Variants in CATSPERG observed in about 807,000 individuals in gnomAD.
CATSPERG encodes cation channel sperm-associated auxiliary subunit gamma.
In CATSPERG, 115 loss-of-function variants were observed where a neutral mutation model predicts 145.0. The ratio of observed to expected loss-of-function variants is 0.79; its 90% CI spans 0.68 to 0.93. The LOEUF (loss-of-function observed/expected upper bound fraction) is 0.93, where lower values mean the gene tolerates loss of function less well. Ranked by LOEUF, CATSPERG falls within the 40% of genes least tolerant of loss-of-function variation. The pLI is 0.00. For missense variants in CATSPERG, 1,296 were observed against 1,490.1 expected, an observed-to-expected ratio of 0.87 and a Z score of 2.14; for synonymous variants, 588 against 589.0, an observed-to-expected ratio of 1.00 and a Z score of 0.02.
At chr19:38,361,998 G>A in intron 17 of CATSPERG, 137 bp downstream of exon 17, 2 of 803,120 alleles carry the variant, frequency 2.5e-6, no homozygotes, top group Non-Finnish European at 3.9e-6. Context: ...GGGGGACCTG[G>A]GGGCGGGGCC....
intron 8 of CATSPERG, among the ~76,000 whole-genome samples, chr19:38,354,368 T>C (rs770681096): frequency 2.6e-5 from 4 of 152,184 alleles, no homozygotes; most frequent in Non-Finnish European, 5.9e-5. Flanking sequence ...AACTGTAGAC[T>C]TTTATGCCCC....
chr19:38,361,631 C>T lies in CATSPERG; in HGVS notation c.1881-17C>T. On this transcript the variant is annotated splice_polypyrimidine_tract_variant and intron_variant, in intron 16 of 28. Coordinates refer to ENST00000409235, the MANE Select transcript of CATSPERG (RefSeq NM_021185.5). Reference sequence around the variant, plus strand: ...GTGCCTTAGAGCCAGCAGCCTTTCCCCCTTGCCACTGCCCAGGGGCTACTT... The same window carrying T: ...GTGCCTTAGAGCCAGCAGCCTTTCCTCCTTGCCACTGCCCAGGGGCTACTT... 2 of 1,602,284 alleles carry T rather than the reference C, an allele frequency of 1.2e-6. No individual in the cohort carries two copies. Among genetic ancestry groups the T allele is most frequent in the Non-Finnish European group, 1.7e-6 (2 of 1,176,578 alleles).
At chr19:38,341,419 C>G (rs2145063165) in intron 3 of CATSPERG, among the ~76,000 whole-genome samples, 1 of 152,294 alleles carries the variant, frequency 6.6e-6, no homozygotes, top group South Asian at 2.1e-4. Flanking sequence ...ACCTTCTCCT[C>G]TGCAATGGGA....
At chr19:38,353,442 A>G (rs569732990) in intron 8 of CATSPERG, among the ~76,000 whole-genome samples, 12 of 152,216 alleles carry the variant, frequency 7.9e-5, no homozygotes, top group Middle Eastern at 3.4e-3. Context: ...TAATCCCAGC[A>G]CTTTGGGAGG....
Position 38,360,747 on chromosome 19 carries a change from A to C in CATSPERG, c.1784A>C (p.Asn595Thr), listed in dbSNP as rs150667046. 873 of 1,613,962 alleles carry C rather than the reference A, an allele frequency of 5.4e-4. No individual in the cohort carries two copies. The highest frequency in any genetic ancestry group is 6.5e-4 in the Non-Finnish European group (771 of 1,179,978). The change falls in exon 16 of 29, where the codon AAC becomes ACC. Residue 595 changes from asparagine to threonine, a missense_variant. By Grantham distance (65) the Asn-to-Thr change is moderately conservative. Transcript: ENST00000409235. ...SKLYQLVYLM[N>T]NQKGQLVKRL... ...CCCCTGCAGCTGGTGTACCTTATGA[A>C]CAACCAGAAGGGCCAGCTGGTCAAG...
chr19:38,339,584 G>C (rs1969902863), intron 3 of CATSPERG, among the ~76,000 whole-genome samples: 1 of 152,210 alleles, frequency 6.6e-6, no homozygotes, highest in East Asian at 1.9e-4. Flanking sequence ...TCCTGCCTCA[G>C]CCTCCTGAGT....
In CATSPERG at chr19:38,362,179, A is replaced by G. The variant is rs577979174; in HGVS notation, c.2095-31A>G. On this transcript the variant is annotated intron_variant, in intron 17 of 28. Coordinates refer to ENST00000409235, the MANE Select transcript of CATSPERG (RefSeq NM_021185.5). The stretch of plus-strand genomic sequence containing the variant: ...CTGGAGGCTCTCGCCCCGCTGCCCA[A>G]TCCCTTCACGGTGCCGGGCGATCCC... 1.1e-5 allele frequency: 17 copies of G among 1,563,192 alleles called. No individual in the cohort carries two copies. In the South Asian group the frequency reaches 1.2e-4, roughly 11 times the overall value.
Position 38,344,110 on chromosome 19 carries a change from C to T in CATSPERG, c.587C>T (p.Pro196Leu), listed in dbSNP as rs1256653567. ...AGCAATGGCCTGGGGACCTTCATTC[C>T]AGATAAAAGGTACCCTTTCCCAAGA... ...ISSNGLGTFIPDKRFQMNING... is the reference protein window; with the variant it reads ...ISSNGLGTFILDKRFQMNING... The change falls in exon 5 of 29, where the codon CCA becomes CTA. Residue 196 changes from proline (P) to leucine (L), a missense_variant. By Grantham distance (98) the Pro-to-Leu change is moderately conservative. Coordinates refer to ENST00000409235, the MANE Select transcript of CATSPERG (RefSeq NM_021185.5). 1 of 1,551,572 alleles carries T rather than the reference C, an allele frequency of 6.4e-7. No homozygotes were observed. Among genetic ancestry groups the T allele is most frequent in the Admixed American group, 2.0e-5 (1 of 50,994 alleles).
chr19:38,367,677 G>T lies in CATSPERG; in HGVS notation c.2835-4G>T, dbSNP rs1199973182. On this transcript the variant is annotated splice_polypyrimidine_tract_variant and splice_region_variant and intron_variant, in intron 24 of 28. Transcript: ENST00000409235. Reference sequence around the variant, plus strand: ...CAGTCTGTGTGCACTTCTGTCCCTGGTAGCTATGTTCTGCTGGTGGTGGGT... The same window carrying T: ...CAGTCTGTGTGCACTTCTGTCCCTGTTAGCTATGTTCTGCTGGTGGTGGGT... 6.2e-7 allele frequency: 1 copy of T among 1,614,132 alleles called. No homozygotes were observed. The highest frequency in any genetic ancestry group is 1.7e-5 in the Admixed American group (1 of 60,022).
At chr19:38,363,351 T>A (rs1293817600) in intron 20 of CATSPERG, among the ~76,000 whole-genome samples, 1 of 152,014 alleles carries the variant, frequency 6.6e-6, no homozygotes, top group Non-Finnish European at 1.5e-5. Context: ...TAACTTTTTA[T>A]TTTTTGTAGA....
chr19:38,359,818 CCA>C (rs1970313084), intron 14 of CATSPERG: 3 of 1,267,696 alleles, frequency 2.4e-6, no homozygotes, highest in East Asian at 7.5e-5. Flanking sequence ...CTCTTTCATC[CCA>C]CAGTGTGGTC....
chr19:38,362,864 AG>A, intron 20 of CATSPERG, 32 bp downstream of exon 20: 5 of 554,646 alleles, frequency 9.0e-6, no homozygotes, highest in Non-Finnish European at 1.5e-5. Flanking sequence ...GGATCAAGGG[AG>A]GTTTTGTTTT....
rs1447099022 is a variant in CATSPERG, at chr19:38,362,460, C to T, written c.2242C>T (p.Leu748Phe). Reference protein sequence around the residue: ...EMDSYEKIYNLESAYELPERI... With the variant: ...EMDSYEKIYNFESAYELPERI... ...GGACAGCTACGAAAAGATCTACAACCTCGAGTCCGCGTACGAGCTGCCGGA... is the reference window on the plus strand; with the variant it reads ...GGACAGCTACGAAAAGATCTACAACTTCGAGTCCGCGTACGAGCTGCCGGA... The change falls in exon 19 of 29, where the codon CTC becomes TTC. Residue 748 changes from leucine to phenylalanine, a missense_variant. Physicochemically the swap from Leu to Phe is conservative, Grantham distance 22 (BLOSUM62 0). Coordinates refer to ENST00000409235, the MANE Select transcript of CATSPERG (RefSeq NM_021185.5). 8.1e-6 allele frequency: 13 copies of T among 1,613,892 alleles called. No homozygotes were observed. Among genetic ancestry groups the T allele is most frequent in the African/African-American group, 1.3e-5 (1 of 74,952 alleles).
At chr19:38,339,689 G>C (rs1969904720) in intron 3 of CATSPERG, among the ~76,000 whole-genome samples, 1 of 151,886 alleles carries the variant, frequency 6.6e-6, no homozygotes, top group African/African-American at 2.4e-5. Flanking sequence ...CAAAGGCCTT[G>C]CGTAACTAAA....
chr19:38,362,871 G>GTTTTTTT lies in CATSPERG; in HGVS notation c.2475+57_2475+63dup, dbSNP rs553363428. On this transcript the variant is annotated intron_variant, in intron 20 of 28. Transcript: ENST00000409235. ...GGGAGTTGGGATCAAGGGAGGTTTT[G>GTTTTTTT]TTTTTTTTTTTTTTTTTTTTTTTTG... 2.9e-4 allele frequency: 131 copies of GTTTTTTT among 453,370 alleles called. 1 individual carries two copies. Among genetic ancestry groups the GTTTTTTT allele is most frequent in the South Asian group, 4.4e-4 (19 of 43,660 alleles). 28.1% of individuals were successfully genotyped at this position (453,370 alleles called of 1,614,324 possible).
At chr19:38,343,524 A>AG (rs1969972366) in intron 3 of CATSPERG, 56 bp from the exon 4 acceptor site, 2 of 1,469,776 alleles carry the variant, frequency 1.4e-6, no homozygotes, top group Non-Finnish European at 9.1e-7. Flanking sequence ...GGCTTAAGGC[A>AG]GGGGGCACCC....
In CATSPERG at chr19:38,367,453, G is replaced by A. The variant is rs1254433608; in HGVS notation, c.2771-56G>A. The A allele has an allele frequency of 8.8e-6, 14 of 1,587,454 alleles. 1 individual carries two copies. The South Asian group carries it at 1.5e-4, about 17-fold the overall frequency. On this transcript the variant is annotated intron_variant, in intron 23 of 28. Coordinates refer to ENST00000409235, the MANE Select transcript of CATSPERG (RefSeq NM_021185.5). ...TCACTTTCCCCCGTCTCGGTCCTCA[G>A]CTTCTCGGGCCAAGCTAATTTCTTC...
Position 38,358,425 on chromosome 19 carries a change from C to T in CATSPERG, c.1367-7C>T, listed in dbSNP as rs775816143. On this transcript the variant is annotated splice_polypyrimidine_tract_variant and splice_region_variant and intron_variant, in intron 12 of 28. Transcript: ENST00000409235. The stretch of plus-strand genomic sequence containing the variant: ...TGCTGTGTCCTCTCTTCCTCTGCTC[C>T]GGTCAGCTCGAGGATTGGAGTTCCT... The T allele has an allele frequency of 6.8e-6, 11 of 1,614,052 alleles. No individual in the cohort carries two copies. Among genetic ancestry groups the T allele is most frequent in the Admixed American group, 6.7e-5 (4 of 60,004 alleles).
rs1415073758 is a variant in CATSPERG at position 38,343,625 on chromosome 19, C to A, written c.370C>A (p.Pro124Thr). Reference protein sequence around the residue: ...VRMGHLTGLKPLVLVTFQSPV... With the variant: ...VRMGHLTGLKTLVLVTFQSPV... ...CATGGGCCACCTGACGGGGCTAAAGCCCCTGGTGCTGGTCACCTTCCAGTC... is the reference window on the plus strand; with the variant it reads ...CATGGGCCACCTGACGGGGCTAAAGACCCTGGTGCTGGTCACCTTCCAGTC... Residue 124 changes from proline to threonine, a missense_variant, in exon 4 of 29, where the codon CCC becomes ACC. Pro to Thr is a conservative substitution (Grantham distance 38, BLOSUM62 -1). Coordinates refer to ENST00000409235, the MANE Select transcript of CATSPERG (RefSeq NM_021185.5). 2 of 1,551,388 alleles carry A rather than the reference C, an allele frequency of 1.3e-6. No homozygotes were observed. The highest frequency in any genetic ancestry group is 1.7e-4 in the Middle Eastern group (1 of 5,960).
Sources: gnomAD v4.1 joint callset for allele counts (sites outside exome capture counted in the v4.1 genomes callset) on GRCh38, gnomAD v4.1.1 for gene constraint, MANE v1.5 for transcripts, NCBI Gene and HGNC (gene_info 2026-07-23, HGNC 2026-07-21) for gene names.